Variants in TLE4 observed in about 807,000 individuals in gnomAD.
The protein encoded by TLE4 is TLE family member 4, transcriptional corepressor.
TLE4 carries 8 observed loss-of-function variants against 92.8 expected under a neutral mutation model. The observed-to-expected ratio is 0.09, with a 90% CI of 0.05 to 0.16. The LOEUF (loss-of-function observed/expected upper bound fraction) is 0.16. TLE4 is among the 10% of genes least tolerant of loss of function. TLE4 has a pLI of 1.00. For synonymous variants in TLE4, 371 were observed against 374.1 expected, an observed-to-expected ratio of 0.99 and a Z score of 0.10; for missense variants, 675 against 997.6, an observed-to-expected ratio of 0.68 and a Z score of 4.36.
rs933872179 is a variant in TLE4, at chr9:79,705,840, G to A, written c.730-49G>A. Reference sequence around the variant, plus strand: ...GTCTGGACTTACTTAGGGTAAATGTGGTATGTTTTGTGAGGGGAGAAGATA... The same window carrying A: ...GTCTGGACTTACTTAGGGTAAATGTAGTATGTTTTGTGAGGGGAGAAGATA... On this transcript the variant is annotated intron_variant, in intron 9 of 19. Coordinates refer to ENST00000376552, the MANE Select transcript of TLE4 (RefSeq NM_007005.6). 9.5e-6 allele frequency: 15 copies of A among 1,583,242 alleles called. No homozygotes were observed. In the Admixed American group the frequency reaches 1.2e-4, roughly 12 times the overall value.
intron 8 of TLE4, among the ~76,000 whole-genome samples, chr9:79,669,759 G>A (rs1239109573): frequency 6.6e-6 from 1 of 152,152 alleles, no homozygotes; most frequent in Non-Finnish European, 1.5e-5. Flanking sequence ...GGAAAGAATA[G>A]GAATTTACTG....
At chr9:79,650,845 A>G (rs1043149376) in intron 6 of TLE4, among the ~76,000 whole-genome samples, 13 of 152,170 alleles carry the variant, frequency 8.5e-5, no homozygotes, top group Non-Finnish European at 1.2e-4. Flanking sequence ...TAGCCAGAAC[A>G]TAGGTACAAG....
intron 8 of TLE4, among the ~76,000 whole-genome samples, chr9:79,657,606 T>G (rs999581970): frequency 6.6e-6 from 1 of 152,108 alleles, no homozygotes; most frequent in Non-Finnish European, 1.5e-5. Flanking sequence ...GCTATTAGGT[T>G]CCTCATAGCA....
At chr9:79,644,370 A>G (rs1046574469) in intron 6 of TLE4, among the ~76,000 whole-genome samples, 1 of 152,128 alleles carries the variant, frequency 6.6e-6, no homozygotes, top group Non-Finnish European at 1.5e-5. Flanking sequence ...GGGTATGTCT[A>G]TATTAGCAGC....
intron 5 of TLE4, among the ~76,000 whole-genome samples, chr9:79,615,351 C>G (rs2049294689): frequency 1.3e-5 from 2 of 152,076 alleles, no homozygotes; most frequent in Admixed American, 1.3e-4. Flanking sequence ...AGTCTCGCTA[C>G]CAAAACGGCA....
intron 10 of TLE4, 138 bp from the exon 11 acceptor site, chr9:79,706,609 G>A: frequency 9.2e-7 from 1 of 1,086,428 alleles, no homozygotes; most frequent in Non-Finnish European, 1.3e-6. Flanking sequence ...TAGTTTCAGT[G>A]AGTATTGTTA....
intron 5 of TLE4, among the ~76,000 whole-genome samples, chr9:79,618,650 C>T (rs2050214938): frequency 6.6e-6 from 1 of 152,098 alleles, no homozygotes; most frequent in Admixed American, 6.5e-5. Flanking sequence ...AATTCCATGA[C>T]TGTTTTTTTT....
At chr9:79,667,910 C>T (rs1239684515) in intron 8 of TLE4, among the ~76,000 whole-genome samples, 3 of 152,176 alleles carry the variant, frequency 2.0e-5, no homozygotes, top group African/African-American at 7.2e-5. Context: ...TGCCTTTGTT[C>T]CTTTTATGCA....
intron 2 of TLE4, among the ~76,000 whole-genome samples, 154 bp from the exon 3 acceptor site, chr9:79,574,719 A>G (rs529933517): frequency 1.3e-5 from 2 of 152,326 alleles, no homozygotes; most frequent in Non-Finnish European, 1.5e-5. Context: ...ACTGGTTCCA[A>G]TCACCCCTTT....
chr9:79,648,093 G>GAACAC (rs1408059967), intron 6 of TLE4, among the ~76,000 whole-genome samples: 10 of 152,204 alleles, frequency 6.6e-5, no homozygotes, highest in African/African-American at 2.2e-4. Context: ...CAGTAGGGTG[G>GAACAC]AGTTAGGCTG....
chr9:79,643,899 G>C (rs568374064), intron 6 of TLE4, among the ~76,000 whole-genome samples: 3 of 152,114 alleles, frequency 2.0e-5, no homozygotes, highest in South Asian at 2.1e-4. Context: ...GTAAAGAAGA[G>C]CTTTTCCTGT....
chr9:79,651,509 A>G (rs2058987608), intron 6 of TLE4, among the ~76,000 whole-genome samples: 2 of 152,320 alleles, frequency 1.3e-5, no homozygotes, highest in East Asian at 1.9e-4. Context: ...TTACTGGTGC[A>G]TGCATCACAG....
At chr9:79,680,819 G>T (rs1005365961) in intron 8 of TLE4, among the ~76,000 whole-genome samples, 25 of 152,300 alleles carry the variant, frequency 1.6e-4, no homozygotes, top group Middle Eastern at 6.8e-3. Flanking sequence ...CTAATTTGTT[G>T]AGAGTTTTTA....
At chr9:79,620,666 T>A (rs1291552854) in intron 5 of TLE4, among the ~76,000 whole-genome samples, 1 of 152,224 alleles carries the variant, frequency 6.6e-6, no homozygotes, top group Non-Finnish European at 1.5e-5. Context: ...GTCTAAGTAA[T>A]ATCTAAAGTA....
intron 6 of TLE4, among the ~76,000 whole-genome samples, chr9:79,636,970 G>A (rs1750042138): frequency 6.6e-6 from 1 of 152,098 alleles, no homozygotes; most frequent in Non-Finnish European, 1.5e-5. Flanking sequence ...ACAATTTTGA[G>A]CCAAGATAGA....
intron 6 of TLE4, among the ~76,000 whole-genome samples, chr9:79,639,759 T>C (rs1420575889): frequency 1.3e-5 from 2 of 152,178 alleles, no homozygotes; most frequent in Non-Finnish European, 2.9e-5. Context: ...TAGGCCATAT[T>C]GCATAGCTTA....
chr9:79,617,251 A>T (rs1588107306), intron 5 of TLE4, among the ~76,000 whole-genome samples: 2 of 146,850 alleles, frequency 1.4e-5, no homozygotes, highest in Admixed American at 6.8e-5. Flanking sequence ...GAGGAAGGGA[A>T]TTTTTTTTTT....
intron 5 of TLE4, among the ~76,000 whole-genome samples, chr9:79,622,759 G>A (rs1355712847): frequency 1.3e-5 from 2 of 152,052 alleles, no homozygotes; most frequent in Admixed American, 6.5e-5. Flanking sequence ...ATGAATGGAT[G>A]AAAAAAACAA....
chr9:79,686,560 G>A (rs895781245), intron 8 of TLE4, among the ~76,000 whole-genome samples: 2 of 152,148 alleles, frequency 1.3e-5, no homozygotes, highest in African/African-American at 4.8e-5. Flanking sequence ...GAGGTTTGAC[G>A]ATACAGAGGA....
Sources: gnomAD v4.1 joint callset for allele counts (sites outside exome capture counted in the v4.1 genomes callset) on GRCh38, gnomAD v4.1.1 for gene constraint, MANE v1.5 for transcripts, NCBI Gene and HGNC (gene_info 2026-07-23, HGNC 2026-07-21) for gene names.